Variants in PRORP observed in about 807,000 individuals in gnomAD.
PRORP encodes protein only RNase P catalytic subunit, also known as mitochondrial ribonuclease P catalytic subunit.
A neutral mutation model predicts 59.4 loss-of-function variants in PRORP; 51 were observed. That is an observed-to-expected ratio of 0.86 (90% CI 0.69 to 1.08). The LOEUF is 1.08. PRORP is among the 50% of genes least tolerant of loss of function. The pLI is 0.00. For missense variants in PRORP, 646 were observed against 690.3 expected, an observed-to-expected ratio of 0.94 and a Z score of 0.72; for synonymous variants, 231 against 245.6, an observed-to-expected ratio of 0.94 and a Z score of 0.55.
At position 35,123,918 on chromosome 14, in the gene PRORP, A is replaced by G. The variant is rs868084162; in HGVS notation, c.673A>G (p.Arg225Gly). Residue 225 changes from arginine (R) to glycine (G), a missense_variant, in exon 2 of 8, where the codon AGA (arginine) becomes GGA (glycine). Physicochemically the swap from Arg to Gly is moderately radical, Grantham distance 125. Transcript: ENST00000534898. Reference sequence around the variant, plus strand: ...CATCCGGGGATTGATCCATTCAGACAGATGGAGAGAAGCATTGTTGCTGTT... The same window carrying G: ...CATCCGGGGATTGATCCATTCAGACGGATGGAGAGAAGCATTGTTGCTGTT... ...LLIRGLIHSD[R>G]WREALLLLED... 13 of 1,614,160 alleles carry G rather than the reference A, an allele frequency of 8.1e-6. No homozygotes were observed. In the Middle Eastern group the frequency reaches 2.1e-3, roughly 266 times the overall value.
chr14:35,138,581 TA>T lies in PRORP; in HGVS notation c.1167+10977del, dbSNP rs1337219514. Among the ~76,000 whole-genome samples the T allele has an allele frequency of 5.6e-4, 81 of 145,034 alleles. 3 individuals are homozygous for T. Among genetic ancestry groups the T allele is most frequent in the African/African-American group, 1.8e-3 (73 of 41,102 alleles). ...TAATTATTAAATTATTAAATCTACT[TA>T]AAAAAATTTTGCCAACTGACCTCCA... On this transcript the variant is annotated intron_variant, in intron 4 of 7. Transcript: ENST00000534898.
At chr14:35,248,102 C>T (rs984056619) in intron 5 of PRORP, among the ~76,000 whole-genome samples, 3 of 150,982 alleles carry the variant, frequency 2.0e-5, no homozygotes, top group Admixed American at 1.3e-4. Context: ...TAACTAAGGA[C>T]GAGAGGAGAT....
At chr14:35,129,042 C>CAAA (rs58337817) in intron 4 of PRORP, among the ~76,000 whole-genome samples, 6 of 116,698 alleles carry the variant, frequency 5.1e-5, no homozygotes, top group Admixed American at 3.6e-4. Flanking sequence ...ACTAAAAATA[C>CAAA]AAAAAAAAAA....
chr14:35,191,007 A>G (rs1236437241), intron 5 of PRORP, among the ~76,000 whole-genome samples: 4 of 152,200 alleles, frequency 2.6e-5, no homozygotes, highest in Admixed American at 2.0e-4. Flanking sequence ...TTTATGAACA[A>G]CCATTTCCCA....
At chr14:35,121,881 G>T (rs758135532), upstream of PRORP, 6 of 1,613,804 alleles carry the variant, frequency 3.7e-6, no homozygotes, top group Admixed American at 1.7e-5. Context: ...ATCCCAACGG[G>T]CTGCCCCTCC....
At position 35,266,317 on chromosome 14, in the gene PRORP, C is replaced by CA. The variant is rs35672758; in HGVS notation, c.1276-392dup. Among the ~76,000 whole-genome samples, 990 of 126,402 alleles carry CA rather than the reference C, an allele frequency of 7.8e-3. 5 individuals carry two copies. The highest frequency in any genetic ancestry group is 0.013 in the African/African-American group (422 of 31,832). The allele number at this position is 126,402 out of a possible 152,430, so 82.9% of individuals were successfully genotyped here. On this transcript the variant is annotated intron_variant, in intron 5 of 7. Transcript: ENST00000534898. ...GGGCAACAAGAGTGAAACTCTGTCT[C>CA]AAAAAAAAAAAAAAAAAATTAGCCA...
intron 5 of PRORP, chr14:35,235,569 G>C (rs931056563): frequency 1.9e-6 from 1 of 531,900 alleles, no homozygotes; most frequent in Non-Finnish European, 3.6e-6. Flanking sequence ...CCTGCTCGAA[G>C]GACAGGTGGT....
chr14:35,122,053 G>T, upstream of PRORP: 1 of 1,400,990 alleles, frequency 7.1e-7, no homozygotes, highest in Non-Finnish European at 1.0e-6. Context: ...CCCCGTAAAG[G>T]TTAGGAAGGC....
At chr14:35,193,747 T>C (rs2048942640) in intron 5 of PRORP, among the ~76,000 whole-genome samples, 1 of 152,146 alleles carries the variant, frequency 6.6e-6, no homozygotes, top group Non-Finnish European at 1.5e-5. Context: ...TACCCTATTA[T>C]GTTTACAATA....
intron 5 of PRORP, among the ~76,000 whole-genome samples, chr14:35,202,247 C>T (rs1322193773): frequency 1.3e-5 from 2 of 152,108 alleles, no homozygotes; most frequent in African/African-American, 2.4e-5. Context: ...TGAGCCACCA[C>T]GCCTGGCCTC....
intron 5 of PRORP, among the ~76,000 whole-genome samples, chr14:35,233,179 A>G (rs1433140845): frequency 6.6e-6 from 1 of 150,664 alleles, no homozygotes; most frequent in African/African-American, 2.4e-5. Context: ...TGCGCCAGGG[A>G]TACACCAATG....
intron 5 of PRORP, among the ~76,000 whole-genome samples, chr14:35,187,458 C>T (rs1165023760): frequency 1.4e-5 from 2 of 144,640 alleles, no homozygotes; most frequent in Non-Finnish European, 3.0e-5. Flanking sequence ...TGGAGTCTCA[C>T]TGTCACCGAA....
chr14:35,273,615 G>A lies in PRORP; in HGVS notation c.*49G>A, dbSNP rs2051251992. The stretch of plus-strand genomic sequence containing the variant: ...TTGTGTTTGGGTACCCTCTAGGTTG[G>A]CATCAGAGGCTCTTGAGCTGGTGTT... On this transcript the variant is annotated 3_prime_UTR_variant, in exon 8 of 8. Coordinates refer to ENST00000534898, the MANE Select transcript of PRORP (RefSeq NM_014672.4). 1.9e-6 allele frequency: 3 copies of A among 1,568,812 alleles called. No homozygotes were observed. The highest frequency in any genetic ancestry group is 1.7e-6 in the Non-Finnish European group (2 of 1,156,522).
chr14:35,258,749 A>G (rs1452603155), intron 5 of PRORP, among the ~76,000 whole-genome samples: 1 of 152,056 alleles, frequency 6.6e-6, no homozygotes, highest in Non-Finnish European at 1.5e-5. Context: ...GGAATTTTAG[A>G]TGTGCTCTAG....
At chr14:35,179,784 C>T (rs188104445) in intron 4 of PRORP, among the ~76,000 whole-genome samples, 20 of 152,326 alleles carry the variant, frequency 1.3e-4, no homozygotes, top group African/African-American at 9.6e-5. Context: ...CGAGGAGCTG[C>T]GTTCCTTTGG....
chr14:35,190,597 C>A (rs1023803665), intron 5 of PRORP, among the ~76,000 whole-genome samples: 1 of 151,996 alleles, frequency 6.6e-6, no homozygotes, highest in African/African-American at 2.4e-5. Flanking sequence ...CCTCCGCCTC[C>A]GGAGTTCAAG....
intron 5 of PRORP, among the ~76,000 whole-genome samples, chr14:35,234,460 C>G (rs1386755112): frequency 6.6e-6 from 1 of 152,208 alleles, no homozygotes; most frequent in African/African-American, 2.4e-5. Context: ...TGTTCAGCCT[C>G]TTAAAACCAT....
chr14:35,261,948 T>C (rs1440462443), intron 5 of PRORP, among the ~76,000 whole-genome samples: 1 of 152,172 alleles, frequency 6.6e-6, no homozygotes, highest in Non-Finnish European at 1.5e-5. Flanking sequence ...TAGTAGAGAC[T>C]TCTCAGCCAC....
intron 5 of PRORP, among the ~76,000 whole-genome samples, chr14:35,240,036 C>T (rs1172747714): frequency 6.8e-6 from 1 of 147,822 alleles, no homozygotes; most frequent in Non-Finnish European, 1.5e-5. Flanking sequence ...GATCATGCCA[C>T]TGCACTCCAA....
Sources: allele counts gnomAD v4.1 joint callset (sites outside exome capture counted in the v4.1 genomes callset), GRCh38; gene constraint gnomAD v4.1.1; transcripts MANE v1.5; gene names NCBI Gene and HGNC (gene_info 2026-07-23, HGNC 2026-07-21).